The following PNPLA4 variants were observed in gnomAD, a reference collection of about 807,000 sequenced individuals.
The protein encoded by PNPLA4 is patatin-like phospholipase domain-containing protein 4.
PNPLA4 carries 15 observed loss-of-function variants against 18.3 expected under a neutral mutation model. The ratio of observed to expected loss-of-function variants is 0.82; its 90% CI spans 0.55 to 1.26. The LOEUF is 1.26. Among genes scored for constraint, PNPLA4 ranks in the 50% most tolerant of loss-of-function variants. The pLI is 0.00. For synonymous variants in PNPLA4, 88 were observed against 85.6 expected (o/e 1.03, Z -0.16); for missense variants, 229 against 196.8 (o/e 1.16, Z -0.98).
chrX:7,914,322 G>A (rs1014823475), intron 4 of PNPLA4, among the ~76,000 whole-genome samples: 1 of 111,445 alleles, frequency 9.0e-6, no homozygotes, highest in African/African-American at 3.3e-5. Flanking sequence ...GGTGAAGATC[G>A]CTTAATAAAT....
intron 5 of PNPLA4, among the ~76,000 whole-genome samples, chrX:7,907,011 C>G: frequency 9.0e-6 from 1 of 111,309 alleles, no homozygotes; most frequent in Non-Finnish European, 1.9e-5. Context: ...CAAAATCCTA[C>G]AGCTTTTCTT....
chrX:7,926,525 TTA>T (rs1924416658), intron 1 of PNPLA4, among the ~76,000 whole-genome samples: 1 of 111,888 alleles, frequency 8.9e-6, no homozygotes, highest in East Asian at 2.8e-4. Flanking sequence ...CAGAAAATTA[TTA>T]GAGACCGTAT....
chrX:7,901,973 G>A lies in PNPLA4; in HGVS notation c.630+16C>T. 2.5e-6 allele frequency: 3 copies of A among 1,200,496 alleles called. No individual in the cohort carries two copies. The highest frequency in any genetic ancestry group is 3.4e-6 in the Non-Finnish European group (3 of 888,077). On this transcript the variant is annotated intron_variant, in intron 6 of 6. Coordinates refer to ENST00000381042, the MANE Select transcript of PNPLA4 (RefSeq NM_004650.3). The stretch of plus-strand genomic sequence containing the variant: ...AGATCAGAACTCTTCAAATATCACT[G>A]AACATAATTACTCACCATGATATCC...
At chrX:7,904,321 T>C (rs993012340) in intron 5 of PNPLA4, among the ~76,000 whole-genome samples, 21 of 112,581 alleles carry the variant, frequency 1.9e-4, no homozygotes, top group African/African-American at 6.4e-4. Context: ...TAATGACTGC[T>C]GTTTTAGGGA....
intron 4 of PNPLA4, among the ~76,000 whole-genome samples, chrX:7,916,910 T>C (rs1924063570): frequency 8.9e-6 from 1 of 112,275 alleles, no homozygotes. Flanking sequence ...GCAGGCTGCC[T>C]TCAAGTAGTT....
At position 7,901,457 on chromosome X, in the gene PNPLA4, C is replaced by T. The variant is rs368991958; in HGVS notation, c.630+532G>A. ...AAAAAAGTAGTTGGGTGTGGTGGCA[C>T]GCGCCTGCAGTCCCAGGTACTTGGG... is the stretch of plus-strand genomic sequence containing the variant. On this transcript the variant is annotated intron_variant, in intron 6 of 6. Coordinates refer to ENST00000381042, the MANE Select transcript of PNPLA4 (RefSeq NM_004650.3). Among the ~76,000 whole-genome samples the T allele has an allele frequency of 6.3e-5, 7 of 110,434 alleles. No homozygotes were observed. The East Asian group carries it at 8.6e-4, about 14-fold the overall frequency.
At chrX:7,915,699 T>A (rs2146761972) in intron 4 of PNPLA4, among the ~76,000 whole-genome samples, 1 of 112,214 alleles carries the variant, frequency 8.9e-6, no homozygotes, top group Admixed American at 9.5e-5. Flanking sequence ...TAGAAAATTA[T>A]GTGGCCTAGC....
chrX:7,911,767 C>T (rs1194114278), intron 5 of PNPLA4, among the ~76,000 whole-genome samples: 3 of 110,531 alleles, frequency 2.7e-5, no homozygotes, highest in African/African-American at 9.9e-5. Flanking sequence ...GAAAAAAAAT[C>T]GTTCACTGCT....
chrX:7,916,751 G>A (rs976565422), intron 4 of PNPLA4, among the ~76,000 whole-genome samples: 17 of 110,676 alleles, frequency 1.5e-4, no homozygotes, highest in African/African-American at 5.3e-4. Context: ...ATCTGCTGGC[G>A]ACCCACAGAC....
intron 2 of PNPLA4, among the ~76,000 whole-genome samples, chrX:7,924,552 C>G (rs1470299188): frequency 1.8e-5 from 2 of 111,867 alleles, no homozygotes; most frequent in African/African-American, 6.5e-5. Flanking sequence ...CATGGGAGCA[C>G]CAGATAAAGA....
In PNPLA4 at chrX:7,898,296, C is replaced by T. The variant is rs1356882027; in HGVS notation, c.*2390G>A. 3 of 111,456 alleles carry T rather than the reference C, an allele frequency of 2.7e-5. No homozygotes were observed. Among genetic ancestry groups the T allele is most frequent in the African/African-American group, 9.8e-5 (3 of 30,661 alleles). 9.2% of individuals were successfully genotyped at this position (111,456 alleles called of 1,213,427 possible). ...CAGATTCAAATATATAAGGAAATTG[C>T]CCCCACAGGGAATTGGGAATTTATC... is the stretch of plus-strand genomic sequence containing the variant. On this transcript the variant is annotated 3_prime_UTR_variant, in exon 7 of 7. Coordinates refer to ENST00000381042, the MANE Select transcript of PNPLA4 (RefSeq NM_004650.3).
At chrX:7,913,877 T>C (rs1254655878) in intron 4 of PNPLA4, among the ~76,000 whole-genome samples, 1 of 112,621 alleles carries the variant, frequency 8.9e-6, no homozygotes, top group Non-Finnish European at 1.9e-5. Context: ...TCTCTGCTAA[T>C]ACGTGGTTGA....
At chrX:7,917,523 G>A (rs900530859) in intron 4 of PNPLA4, among the ~76,000 whole-genome samples, 2 of 112,004 alleles carry the variant, frequency 1.8e-5, no homozygotes, top group Non-Finnish European at 3.8e-5. Context: ...CTGAGCAGGG[G>A]TGTGTGTGGG....
intron 5 of PNPLA4, among the ~76,000 whole-genome samples, chrX:7,908,572 G>C (rs1923780670): frequency 8.9e-6 from 1 of 112,100 alleles, no homozygotes; most frequent in South Asian, 3.7e-4. Context: ...GGCTTAAAGA[G>C]AGTTAGTGTT....
In PNPLA4 at chrX:7,899,903, C is replaced by T. The variant is rs1006579448; in HGVS notation, c.*783G>A. On this transcript the variant is annotated 3_prime_UTR_variant, in exon 7 of 7. Transcript: ENST00000381042. ...GTATGTAGCTCCCACAATTGCCACA[C>T]GTTGTGGGAGGGACCCAGTGGGAGG... 2 of 111,669 alleles carry T rather than the reference C, an allele frequency of 1.8e-5. No individual in the cohort carries two copies. Among genetic ancestry groups the T allele is most frequent in the African/African-American group, 3.3e-5 (1 of 30,648 alleles). The allele number at this position is 111,669 out of a possible 1,213,427, so 9.2% of individuals were successfully genotyped here. A position where few individuals can be genotyped will look rare whatever the true frequency, so the allele number is the denominator to read the frequency against.
At chrX:7,918,618 C>T (rs1304198421) in intron 4 of PNPLA4, among the ~76,000 whole-genome samples, 5 of 111,048 alleles carry the variant, frequency 4.5e-5, no homozygotes, top group Admixed American at 2.9e-4. Context: ...TACCCATCAT[C>T]GAGCTGCTTC....
At chrX:7,906,011 A>G (rs1923695028) in intron 5 of PNPLA4, among the ~76,000 whole-genome samples, 1 of 112,511 alleles carries the variant, frequency 8.9e-6, no homozygotes, top group Non-Finnish European at 1.9e-5. Flanking sequence ...TTTTCACTTC[A>G]GGTTTTTTTT....
At chrX:7,906,145 T>C (rs762940048) in intron 5 of PNPLA4, among the ~76,000 whole-genome samples, 2 of 111,968 alleles carry the variant, frequency 1.8e-5, no homozygotes, top group East Asian at 2.8e-4. Context: ...CATATCTGCA[T>C]TGCTTTCATG....
intron 4 of PNPLA4, among the ~76,000 whole-genome samples, chrX:7,917,898 A>T (rs901062758): frequency 1.4e-4 from 16 of 112,302 alleles, no homozygotes; most frequent in African/African-American, 4.9e-4. Context: ...ATTTTCAGGT[A>T]CATAGGCACT....
Sources: gnomAD v4.1 joint callset for allele counts (sites outside exome capture counted in the v4.1 genomes callset) on GRCh38, gnomAD v4.1.1 for gene constraint, MANE v1.5 for transcripts, NCBI Gene and HGNC (gene_info 2026-07-23, HGNC 2026-07-21) for gene names.